The following SPIDR variants were observed in gnomAD, a reference collection of about 807,000 sequenced individuals.
The protein encoded by SPIDR is scaffold protein involved in DNA repair, also known as DNA repair-scaffolding protein.
Under a neutral mutation model 104.6 loss-of-function variants are expected in SPIDR, and 93 were observed. The observed-to-expected ratio is 0.89, with a 90% CI of 0.75 to 1.06. The LOEUF (loss-of-function observed/expected upper bound fraction) is 1.06. Among genes scored for constraint, SPIDR ranks in the 50% least tolerant of loss-of-function variants. The pLI is 0.00. For missense variants in SPIDR, 1,154 were observed against 1,111.2 expected, an observed-to-expected ratio of 1.04 and a Z score of -0.55; for synonymous variants, 431 against 416.9, an observed-to-expected ratio of 1.03 and a Z score of -0.41.
intron 8 of SPIDR, among the ~76,000 whole-genome samples, chr8:47,587,609 C>CAAAA (rs36084278): frequency 6.8e-5 from 4 of 58,838 alleles, no homozygotes; most frequent in African/African-American, 1.6e-4. Flanking sequence ...GACCCTGCCT[C>CAAAA]AAAAAAAAAA....
chr8:47,592,348 A>G, intron 8 of SPIDR: 2 of 1,204,114 alleles, frequency 1.7e-6, no homozygotes, highest in Admixed American at 1.7e-5. Context: ...ATCGAAACAT[A>G]TTCTTCCCAA....
intron 8 of SPIDR, among the ~76,000 whole-genome samples, chr8:47,443,481 G>T (rs1323770733): frequency 6.9e-6 from 1 of 145,242 alleles, no homozygotes; most frequent in Admixed American, 7.2e-5. Flanking sequence ...AAAGGTGAAA[G>T]AATCGCTTGA....
intron 5 of SPIDR, among the ~76,000 whole-genome samples, chr8:47,342,983 G>C (rs941132135): frequency 3.3e-5 from 5 of 152,156 alleles, no homozygotes; most frequent in Admixed American, 2.0e-4. Context: ...TTATCTAGCT[G>C]TTCTAACTTT....
chr8:47,441,985 A>G (rs1362495742), intron 8 of SPIDR, among the ~76,000 whole-genome samples: 1 of 152,108 alleles, frequency 6.6e-6, no homozygotes, highest in African/African-American at 2.4e-5. Flanking sequence ...TACTCTTTTA[A>G]TGTAACTGTA....
intron 4 of SPIDR, among the ~76,000 whole-genome samples, chr8:47,293,483 G>A (rs1207750052): frequency 6.6e-6 from 1 of 152,162 alleles, no homozygotes; most frequent in African/African-American, 2.4e-5. Flanking sequence ...GTCTCGTTCT[G>A]TTGCCCAGGC....
At position 47,592,027 on chromosome 8, in the gene SPIDR, A is replaced by C. The variant is rs189504731; in HGVS notation, c.1098-3784A>C. 1.3e-3 allele frequency: 958 copies of C among 760,266 alleles called. 1 individual carries two copies. Among genetic ancestry groups the C allele is most frequent in the Admixed American group, 2.6e-3 (96 of 36,328 alleles). The allele number at this position is 760,266 out of a possible 1,614,324, so 47.1% of individuals were successfully genotyped here. The stretch of plus-strand genomic sequence containing the variant: ...GCATTTAATCACCAAAGGACTGAAG[A>C]TGTCTGGGCTTTTTTATTCAGTAAT... On this transcript the variant is annotated intron_variant, in intron 8 of 19. Coordinates refer to ENST00000297423, the MANE Select transcript of SPIDR (RefSeq NM_001080394.4).
intron 8 of SPIDR, among the ~76,000 whole-genome samples, chr8:47,470,682 G>T (rs2075564085): frequency 6.6e-6 from 1 of 152,108 alleles, no homozygotes; most frequent in Admixed American, 6.6e-5. Flanking sequence ...TAATGACATT[G>T]AGCCCTTGTT....
intron 10 of SPIDR, among the ~76,000 whole-genome samples, chr8:47,645,852 A>G (rs918932247): frequency 6.6e-6 from 1 of 152,252 alleles, no homozygotes; most frequent in Non-Finnish European, 1.5e-5. Flanking sequence ...GATAGGTTAC[A>G]AATGAATCAA....
At chr8:47,593,772 G>T (rs918672195) in intron 8 of SPIDR, among the ~76,000 whole-genome samples, 1 of 152,162 alleles carries the variant, frequency 6.6e-6, no homozygotes, top group African/African-American at 2.4e-5. Flanking sequence ...CTGGGCAGGG[G>T]TATGAGTTCC....
intron 8 of SPIDR, among the ~76,000 whole-genome samples, chr8:47,567,802 T>TTTTTTG (rs2058073570): frequency 7.0e-6 from 1 of 142,824 alleles, no homozygotes; most frequent in African/African-American, 2.6e-5. Context: ...TTTTTTTTTT[T>TTTTTTG]TGAGACAGAG....
intron 5 of SPIDR, among the ~76,000 whole-genome samples, chr8:47,346,386 A>AT (rs1435589021): frequency 1.3e-5 from 2 of 151,980 alleles, no homozygotes; most frequent in African/African-American, 4.8e-5. Flanking sequence ...TTAATTGTGG[A>AT]TTTTTGCATT....
intron 1 of SPIDR, among the ~76,000 whole-genome samples, chr8:47,274,102 A>C (rs1217848641): frequency 6.6e-6 from 1 of 152,206 alleles, no homozygotes; most frequent in Non-Finnish European, 1.5e-5. Context: ...ATAACAAAAG[A>C]TATTCCTATC....
In SPIDR at chr8:47,701,645, G is replaced by A. The variant is rs1230424358; in HGVS notation, c.1774-76G>A. ...AAGCAAATATGTATATATTAAAGAG[G>A]AGATTTTAATAATATCTCCTCTTTT... On this transcript the variant is annotated intron_variant, in intron 12 of 19. Transcript: ENST00000297423. 5.6e-6 allele frequency: 8 copies of A among 1,418,610 alleles called. No individual in the cohort carries two copies. In the East Asian group the frequency reaches 1.6e-4, roughly 28 times the overall value. 87.9% of individuals were successfully genotyped at this position (1,418,610 alleles called of 1,614,324 possible).
At chr8:47,716,379 G>T (rs971029562) in intron 16 of SPIDR, among the ~76,000 whole-genome samples, 3 of 152,176 alleles carry the variant, frequency 2.0e-5, no homozygotes, top group Non-Finnish European at 4.4e-5. Flanking sequence ...AAACTCTTGT[G>T]ATTCCATTGT....
At chr8:47,640,912 C>T (rs574274785) in intron 10 of SPIDR, among the ~76,000 whole-genome samples, 3 of 113,048 alleles carry the variant, frequency 2.7e-5, no homozygotes, top group Admixed American at 1.3e-4. Flanking sequence ...GGGGTTTCAC[C>T]GTGTTGCCCA....
intron 5 of SPIDR, among the ~76,000 whole-genome samples, chr8:47,322,170 G>T (rs1360345136): frequency 1.3e-5 from 2 of 152,060 alleles, no homozygotes; most frequent in African/African-American, 4.8e-5. Flanking sequence ...CTACAGAATG[G>T]GAGAAAATTT....
chr8:47,692,759 C>A (rs751505343), intron 11 of SPIDR, among the ~76,000 whole-genome samples: 3 of 152,102 alleles, frequency 2.0e-5, no homozygotes, highest in Non-Finnish European at 4.4e-5. Context: ...GAATTTCATT[C>A]TTTTTATGGC....
intron 5 of SPIDR, among the ~76,000 whole-genome samples, chr8:47,307,544 T>G (rs1324112484): frequency 7.1e-6 from 1 of 140,854 alleles, no homozygotes. Context: ...TTTTTTTTTT[T>G]TTTTTTTTTT....
rs2090373446 is a variant in SPIDR at position 47,551,023 on chromosome 8, T to TGC, written c.1098-44788_1098-44787insGC. On this transcript the variant is annotated intron_variant, in intron 8 of 19. Coordinates refer to ENST00000297423, the MANE Select transcript of SPIDR (RefSeq NM_001080394.4). ...AAGGCCTTTTCTGCATCTATTGAGATAATCATGTGGTTTTTGTCTTTGGTT... is the reference window on the plus strand; with the variant it reads ...AAGGCCTTTTCTGCATCTATTGAGATGCAATCATGTGGTTTTTGTCTTTGGTT... Among the ~76,000 whole-genome samples the TGC allele has an allele frequency of 4.6e-5, 7 of 152,250 alleles. 1 individual carries two copies. The highest frequency in any genetic ancestry group is 6.5e-5 in the Admixed American group (1 of 15,292).
Sources: allele counts gnomAD v4.1 joint callset (sites outside exome capture counted in the v4.1 genomes callset), GRCh38; gene constraint gnomAD v4.1.1; transcripts MANE v1.5; gene names NCBI Gene and HGNC (gene_info 2026-07-23, HGNC 2026-07-21).